PLPPR2: variants seen among roughly 807,000 people sequenced by gnomAD.
PLPPR2 encodes the protein phospholipid phosphatase-related protein type 2.
Under a neutral mutation model 40.3 loss-of-function variants are expected in PLPPR2, and 11 were observed. That is an observed-to-expected ratio of 0.27 (90% CI 0.17 to 0.45). The LOEUF (loss-of-function observed/expected upper bound fraction) is 0.45, where lower values mean the gene tolerates loss of function less well. Among genes scored for constraint, PLPPR2 ranks in the 20% least tolerant of loss-of-function variants. The probability of loss-of-function intolerance (pLI) is 1.00; values close to 1 mark genes in which losing one functional copy is unlikely to be tolerated. For missense variants in PLPPR2, 497 were observed against 640.7 expected, an observed-to-expected ratio of 0.78 and a Z score of 2.42; for synonymous variants, 260 against 290.8, an observed-to-expected ratio of 0.89 and a Z score of 1.08.
Position 11,364,583 on chromosome 19 carries a change from A to T in PLPPR2, c.1252A>T (p.Thr418Ser). 1 of 1,536,904 alleles carries T rather than the reference A, an allele frequency of 6.5e-7. No homozygotes were observed. The highest frequency in any genetic ancestry group is 8.7e-7 in the Non-Finnish European group (1 of 1,146,792). ...ACGTGGCCGGAAGCTGCTGCTGCCC[A>T]CGCCCCTGCTGCGGGACCTGTACAC... Reference protein sequence around the residue: ...GGRGRKLLLPTPLLRDLYTLS... With the variant: ...GGRGRKLLLPSPLLRDLYTLS... The change falls in exon 10 of 10, where the codon ACG becomes TCG. Residue 418 changes from threonine to serine, a missense_variant. Physicochemically the swap from Thr to Ser is moderately conservative, Grantham distance 58. Transcript: ENST00000688289. The surrounding 1 kb of genome is among the most constrained non-coding windows in gnomAD (Gnocchi z 5.8).
rs953789014 is a variant in PLPPR2, at chr19:11,362,119, C to G, written c.664-394C>G. Among the ~76,000 whole-genome samples, 10 of 152,136 alleles carry G rather than the reference C, an allele frequency of 6.6e-5. No homozygotes were observed. Among genetic ancestry groups the G allele is most frequent in the African/African-American group, 2.2e-4 (9 of 41,422 alleles). On this transcript the variant is annotated intron_variant, in intron 6 of 9. Transcript: ENST00000688289. This position sits in a 1 kb window ranked among gnomAD's most constrained non-coding sequence, Gnocchi z 5.3. ...TCAGGGGCTCCACCTCCTACAGCTC[C>G]TACAGCTCCTACAGCTCCCTTCGCC...
In PLPPR2 at chr19:11,362,472, C is replaced by T. The variant is rs1332320860; in HGVS notation, c.664-41C>T. 1.2e-6 allele frequency: 2 copies of T among 1,604,312 alleles called. No individual in the cohort carries two copies. Among genetic ancestry groups the T allele is most frequent in the South Asian group, 2.2e-5 (2 of 91,070 alleles). On this transcript the variant is annotated intron_variant, in intron 6 of 9. Coordinates refer to ENST00000688289, the MANE Select transcript of PLPPR2 (RefSeq NM_001393892.1). The surrounding 1 kb of genome is among the most constrained non-coding windows in gnomAD (Gnocchi z 5.3). ...AGGAGCGTCCACTTGGGTTCGGCGACTTGCCTCCGCTATCCCCCTGACCAG... is the reference window on the plus strand; with the variant it reads ...AGGAGCGTCCACTTGGGTTCGGCGATTTGCCTCCGCTATCCCCCTGACCAG...
chr19:11,363,972 A>G lies in PLPPR2; in HGVS notation c.963+137A>G. 5 of 1,344,012 alleles carry G rather than the reference A, an allele frequency of 3.7e-6. No homozygotes were observed. The highest frequency in any genetic ancestry group is 5.0e-6 in the Non-Finnish European group (5 of 991,918). 83.3% of individuals were successfully genotyped at this position (1,344,012 alleles called of 1,614,324 possible). A position where few individuals can be genotyped will look rare whatever the true frequency, so the allele number is the denominator to read the frequency against. On this transcript the variant is annotated intron_variant, in intron 8 of 9. Transcript: ENST00000688289. The surrounding 1 kb of genome is among the most constrained non-coding windows in gnomAD (Gnocchi z 4.8). ...GGAGGGATCACCCATCTCTGTGGACATAGGTCCTGGGCGGACAGCCCCAAA... is the reference window on the plus strand; with the variant it reads ...GGAGGGATCACCCATCTCTGTGGACGTAGGTCCTGGGCGGACAGCCCCAAA...
In PLPPR2 at chr19:11,363,815, G is replaced by A; in HGVS notation, c.943G>A (p.Glu315Lys). 3 of 1,614,042 alleles carry A rather than the reference G, an allele frequency of 1.9e-6. No individual in the cohort carries two copies. The highest frequency in any genetic ancestry group is 1.7e-5 in the Admixed American group (1 of 59,986). Reference sequence around the variant, plus strand: ...AGCCCCCACCATGGATAGCCCCCTCGAAAAGTTAAGTGTGGCGCAGGTAAG... The same window carrying A: ...AGCCCCCACCATGGATAGCCCCCTCAAAAAGTTAAGTGTGGCGCAGGTAAG... ...GQAPTMDSPL[E>K]KLSVAQEPEV... Residue 315 changes from glutamate (E) to lysine (K), a missense_variant, in exon 8 of 10, where the codon GAA becomes AAA. Glu to Lys is a moderately conservative substitution (Grantham distance 56). Coordinates refer to ENST00000688289, the MANE Select transcript of PLPPR2 (RefSeq NM_001393892.1). The surrounding 1 kb of genome is among the most constrained non-coding windows in gnomAD (Gnocchi z 4.8).
intron 1 of PLPPR2, among the ~76,000 whole-genome samples, 181 bp from the exon 2 acceptor site, chr19:11,356,621 G>A (rs1317541653): frequency 6.6e-6 from 1 of 151,758 alleles, no homozygotes; most frequent in East Asian, 1.9e-4. Flanking sequence ...AAGTCGGCAG[G>A]TGCTCGGTCT....
At chr19:11,358,990 C>T (rs1230369379) in intron 3 of PLPPR2, among the ~76,000 whole-genome samples, 1 of 152,162 alleles carries the variant, frequency 6.6e-6, no homozygotes, top group South Asian at 2.1e-4. Context: ...GCTGGGATTA[C>T]AAGCATGAGC....
intron 3 of PLPPR2, among the ~76,000 whole-genome samples, chr19:11,358,194 A>G (rs149511651): frequency 6.6e-6 from 1 of 152,182 alleles, no homozygotes; most frequent in Admixed American, 6.5e-5. Flanking sequence ...AGCTGAGACT[A>G]CAGGTGTGTG....
chr19:11,362,472 C>G lies in PLPPR2; in HGVS notation c.664-41C>G. The G allele has an allele frequency of 6.2e-7, 1 of 1,604,312 alleles. No individual in the cohort carries two copies. Among genetic ancestry groups the G allele is most frequent in the South Asian group, 1.1e-5 (1 of 91,070 alleles). Reference sequence around the variant, plus strand: ...AGGAGCGTCCACTTGGGTTCGGCGACTTGCCTCCGCTATCCCCCTGACCAG... The same window carrying G: ...AGGAGCGTCCACTTGGGTTCGGCGAGTTGCCTCCGCTATCCCCCTGACCAG... On this transcript the variant is annotated intron_variant, in intron 6 of 9. Transcript: ENST00000688289. This position sits in a 1 kb window ranked among gnomAD's most constrained non-coding sequence, Gnocchi z 5.3.
Position 11,364,297 on chromosome 19 carries a change from G to C in PLPPR2, c.1016-50G>C. ...CCAGAGGTCTCACCTAGGCCTTTAT[G>C]CTGCCTCCCGAGTTTTCTGATCCCC... is the stretch of plus-strand genomic sequence containing the variant. On this transcript the variant is annotated intron_variant, in intron 9 of 9. Transcript: ENST00000688289. The surrounding 1 kb of genome is among the most constrained non-coding windows in gnomAD (Gnocchi z 5.8). The C allele has an allele frequency of 6.5e-7, 1 of 1,531,452 alleles. No individual in the cohort carries two copies. The highest frequency in any genetic ancestry group is 8.8e-7 in the Non-Finnish European group (1 of 1,139,266). 94.9% of individuals were successfully genotyped at this position (1,531,452 alleles called of 1,614,324 possible).
chr19:11,364,368 G>A lies in PLPPR2; in HGVS notation c.1037G>A (p.Arg346His), dbSNP rs766193637. 44 of 1,519,378 alleles carry A rather than the reference G, an allele frequency of 2.9e-5. No homozygotes were observed. Among genetic ancestry groups the A allele is most frequent in the Middle Eastern group, 1.8e-4 (1 of 5,638 alleles). The allele number at this position is 1,519,378 out of a possible 1,614,324, so 94.1% of individuals were successfully genotyped here. Reference protein sequence around the residue: ...TPSKSQNCARRGHLIPSCVSS... With the variant: ...TPSKSQNCARHGHLIPSCVSS... ...CCAGAGTCGCAGAACTGCGCCCGCC[G>A]TGGCCACCTGATCCCCAGCTGTGTC... The change falls in exon 10 of 10, where the codon CGT (arginine) becomes CAT (histidine). Residue 346 changes from arginine to histidine, a missense_variant. Arg to His is a conservative substitution (Grantham distance 29, BLOSUM62 0). Transcript: ENST00000688289. This position sits in a 1 kb window ranked among gnomAD's most constrained non-coding sequence, Gnocchi z 5.8.
chr19:11,356,005 CTGTG>C (rs750961456), intron 1 of PLPPR2, among the ~76,000 whole-genome samples: 1 of 151,276 alleles, frequency 6.6e-6, no homozygotes. Context: ...GCTGCTGTCT[CTGTG>C]TGTGACTGTC....
At position 11,359,809 on chromosome 19, in the gene PLPPR2, T is replaced by G. The variant is rs778093962; in HGVS notation, c.256-12T>G. On this transcript the variant is annotated splice_polypyrimidine_tract_variant and intron_variant, in intron 4 of 9. Coordinates refer to ENST00000688289, the MANE Select transcript of PLPPR2 (RefSeq NM_001393892.1). This position sits in a 1 kb window ranked among gnomAD's most constrained non-coding sequence, Gnocchi z 5.6. ...GGAAGGCCAGAAGACTCCATCTTGGTCTTGCCCACAGATCCTGCTGGGAGA... is the reference window on the plus strand; with the variant it reads ...GGAAGGCCAGAAGACTCCATCTTGGGCTTGCCCACAGATCCTGCTGGGAGA... 1 of 1,606,906 alleles carries G rather than the reference T, an allele frequency of 6.2e-7. No homozygotes were observed. The highest frequency in any genetic ancestry group is 8.5e-7 in the Non-Finnish European group (1 of 1,175,154).
At chr19:11,355,626 C>G (rs1967840066) in intron 1 of PLPPR2, 54 bp downstream of exon 1, 1 of 151,856 alleles carries the variant, frequency 6.6e-6, no homozygotes, top group East Asian at 1.9e-4. Context: ...CTTCCCACCC[C>G]CGGTGTCGGT....
rs935573688 is a variant in PLPPR2 at position 11,355,441 on chromosome 19, G to A, written c.-321G>A. On this transcript the variant is annotated 5_prime_UTR_variant, in exon 1 of 10. Coordinates refer to ENST00000688289, the MANE Select transcript of PLPPR2 (RefSeq NM_001393892.1). Reference sequence around the variant, plus strand: ...CTCCCTCCACCTCGGAGTCTGCGCGGCGCGGCCAGGCCCGGCCGACCGCGT... The same window carrying A: ...CTCCCTCCACCTCGGAGTCTGCGCGACGCGGCCAGGCCCGGCCGACCGCGT... 6.6e-6 allele frequency: 1 copy of A among 152,470 alleles called. No homozygotes were observed. The highest frequency in any genetic ancestry group is 1.5e-5 in the Non-Finnish European group (1 of 68,116). 9.4% of individuals were successfully genotyped at this position (152,470 alleles called of 1,614,324 possible). A position where few individuals can be genotyped will look rare whatever the true frequency, so the allele number is the denominator to read the frequency against.
At position 11,359,709 on chromosome 19, in the gene PLPPR2, C is replaced by T; in HGVS notation, c.244C>T (p.Pro82Ser). The T allele has an allele frequency of 1.9e-6, 3 of 1,592,636 alleles. No individual in the cohort carries two copies. Among genetic ancestry groups the T allele is most frequent in the East Asian group, 2.2e-5 (1 of 44,522 alleles). ...TGTCTACGCACTGGTCACTGCCGGG[C>T]CCACCCTCACGGTGAGACAATGAAG... is the stretch of plus-strand genomic sequence containing the variant. Reference protein sequence around the residue: ...ALVYALVTAGPTLTILLGELA... With the variant: ...ALVYALVTAGSTLTILLGELA... Residue 82 changes from proline to serine, a missense_variant, in exon 4 of 10, where the codon CCC becomes TCC. Coordinates refer to ENST00000688289, the MANE Select transcript of PLPPR2 (RefSeq NM_001393892.1). The surrounding 1 kb of genome is among the most constrained non-coding windows in gnomAD (Gnocchi z 5.6).
chr19:11,362,598 T>A lies in PLPPR2; in HGVS notation c.749T>A (p.Leu250Gln), dbSNP rs1385540326. Residue 250 changes from leucine (L) to glutamine (Q), a missense_variant, in exon 7 of 10, where the codon CTG becomes CAG. By Grantham distance (113) the Leu-to-Gln change is moderately radical (BLOSUM62 -2). Transcript: ENST00000688289. This position sits in a 1 kb window ranked among gnomAD's most constrained non-coding sequence, Gnocchi z 5.3. ...CTGGCCTTGCTGTGCCCGGCCTTCC[T>A]GGTGGGCGTGGTCCGCGTGGCCGAG... ...LCLALLCPAF[L>Q]VGVVRVAEYR... The A allele has an allele frequency of 6.2e-7, 1 of 1,613,600 alleles. No homozygotes were observed. The highest frequency in any genetic ancestry group is 8.5e-7 in the Non-Finnish European group (1 of 1,180,000).
At chr19:11,356,689 T>TGTGTGTG (rs1159159507) in intron 1 of PLPPR2, 113 bp from the exon 2 acceptor site, 1 of 154,048 alleles carries the variant, frequency 6.5e-6, no homozygotes, top group African/African-American at 2.4e-5. Context: ...TGTGTGTGTG[T>TGTGTGTG]GTGTGGTGCC....
Position 11,364,745 on chromosome 19 carries a change from T to A in PLPPR2, c.*55T>A, listed in dbSNP as rs547168783. The A allele has an allele frequency of 3.9e-5, 60 of 1,526,970 alleles. No homozygotes were observed. In the East Asian group the frequency reaches 1.2e-3, roughly 31 times the overall value. The allele number at this position is 1,526,970 out of a possible 1,614,324, so 94.6% of individuals were successfully genotyped here. ...GTCCCCACTTCTTCCCTGCCACGCG[T>A]GTGTGTGCGTGTGCCACGTGAGTGC... On this transcript the variant is annotated 3_prime_UTR_variant, in exon 10 of 10. Transcript: ENST00000688289. This position sits in a 1 kb window ranked among gnomAD's most constrained non-coding sequence, Gnocchi z 5.8.
Position 11,364,569 on chromosome 19 carries a change from A to G in PLPPR2, c.1238A>G (p.Lys413Arg), listed in dbSNP as rs878967740. Residue 413 changes from lysine to arginine, a missense_variant, in exon 10 of 10, where the codon AAG becomes AGG. Coordinates refer to ENST00000688289, the MANE Select transcript of PLPPR2 (RefSeq NM_001393892.1). The surrounding 1 kb of genome is among the most constrained non-coding windows in gnomAD (Gnocchi z 5.8). ...GPGGGGGRGR[K>R]LLLPTPLLRD... ...GGCGGGGGTGGTGGACGTGGCCGGA[A>G]GCTGCTGCTGCCCACGCCCCTGCTG... The G allele has an allele frequency of 6.5e-7, 1 of 1,536,960 alleles. No individual in the cohort carries two copies. The highest frequency in any genetic ancestry group is 1.2e-5 in the South Asian group (1 of 84,070).
Sources: gnomAD v4.1 joint callset for allele counts (sites outside exome capture counted in the v4.1 genomes callset) on GRCh38, gnomAD v4.1.1 for gene constraint, Gnocchi (gnomAD v3.1) non-coding constraint, MANE v1.5 for transcripts, NCBI Gene and HGNC (gene_info 2026-07-23, HGNC 2026-07-21) for gene names.